NECTIN4: variants seen among roughly 807,000 people sequenced by gnomAD.
NECTIN4 encodes the protein nectin-4.
Under a neutral mutation model 51.7 loss-of-function variants are expected in NECTIN4, and 19 were observed. The ratio of observed to expected loss-of-function variants is 0.37; its 90% CI spans 0.26 to 0.54. NECTIN4 has a LOEUF of 0.54. Ranked by LOEUF, NECTIN4 falls within the 20% of genes least tolerant of loss-of-function variation. The pLI, the probability that NECTIN4 is intolerant of heterozygous loss-of-function variation, is 0.86. For synonymous variants in NECTIN4, 283 were observed against 286.9 expected (o/e 0.99, Z 0.14); for missense variants, 619 against 662.4 (o/e 0.93, Z 0.72).
At chr1:161,079,391 T>A in intron 2 of NECTIN4, among the ~76,000 whole-genome samples, 199 bp downstream of exon 2, 1 of 152,242 alleles carries the variant, frequency 6.6e-6, no homozygotes, top group East Asian at 1.9e-4. Flanking sequence ...AAATGGATTC[T>A]TCCCCAGCTT....
At chr1:161,074,796 A>G in intron 4 of NECTIN4, 37 bp from the exon 5 acceptor site, 1 of 1,604,530 alleles carries the variant, frequency 6.2e-7, no homozygotes, top group Non-Finnish European at 8.5e-7. Context: ...CCAGCCGGGA[A>G]GGGCTGAAGC....
At position 161,089,499 on chromosome 1, in the gene NECTIN4, T is replaced by C. The variant is rs888374799; in HGVS notation, c.-203A>G. The stretch of plus-strand genomic sequence containing the variant: ...AGCCGTAGCTACCCCCAAGAAGCCG[T>C]GATCGGGAGCTCCGAGCTCCCCCAG... On this transcript the variant is annotated 5_prime_UTR_variant, in exon 1 of 9. Coordinates refer to ENST00000368012, the MANE Select transcript of NECTIN4 (RefSeq NM_030916.3). The surrounding 1 kb of genome is among the most constrained non-coding windows in gnomAD (Gnocchi z 4.1). 15 of 606,646 alleles carry C rather than the reference T, an allele frequency of 2.5e-5. No individual in the cohort carries two copies. The highest frequency in any genetic ancestry group is 2.4e-4 in the African/African-American group (13 of 54,172). 37.6% of individuals were successfully genotyped at this position (606,646 alleles called of 1,614,324 possible).
At chr1:161,088,630 G>A (rs573443358) in intron 1 of NECTIN4, among the ~76,000 whole-genome samples, 96 of 152,214 alleles carry the variant, frequency 6.3e-4, no homozygotes, top group African/African-American at 2.3e-3. Context: ...GGAAAGGAAG[G>A]GGTCAGAGTG....
chr1:161,072,874 G>C lies in NECTIN4; in HGVS notation c.1320C>G (p.Pro440=), dbSNP rs372926426. The change falls in exon 9 of 9, where the codon CCC becomes CCG. Residue 440 remains proline (P), a synonymous_variant. Transcript: ENST00000368012. ...NSSCSVMSEE[P]EGRSYSTLTT... The stretch of plus-strand genomic sequence containing the variant: ...TCAGCGTGGAGTAACTGCGGCCCTC[G>C]GGCTCTTCACTCTGGAGACCAAGGG... 3 of 1,612,514 alleles carry C rather than the reference G, an allele frequency of 1.9e-6. No homozygotes were observed. The highest frequency in any genetic ancestry group is 1.7e-6 in the Non-Finnish European group (2 of 1,179,308).
intron 1 of NECTIN4, among the ~76,000 whole-genome samples, chr1:161,086,313 C>T (rs897106936): frequency 1.3e-5 from 2 of 152,192 alleles, no homozygotes; most frequent in Non-Finnish European, 2.9e-5. Flanking sequence ...AACAAGGTCA[C>T]TGGGGTCACA....
intron 1 of NECTIN4, chr1:161,087,368 C>T (rs1031747365): frequency 1.3e-5 from 2 of 152,172 alleles, no homozygotes; most frequent in East Asian, 1.9e-4. Flanking sequence ...TACTGCCAGG[C>T]ATTGCATGAG....
Position 161,072,867 on chromosome 1 carries a change from G to A in NECTIN4, c.1327C>T (p.Arg443Cys), listed in dbSNP as rs1537044. ...CSVMSEEPEG[R>C]SYSTLTTVRE... Reference sequence around the variant, plus strand: ...ACCGTGGTCAGCGTGGAGTAACTGCGGCCCTCGGGCTCTTCACTCTGGAGA... The same window carrying A: ...ACCGTGGTCAGCGTGGAGTAACTGCAGCCCTCGGGCTCTTCACTCTGGAGA... The change falls in exon 9 of 9, where the codon CGC (arginine) becomes TGC (cysteine). Residue 443 changes from arginine to cysteine, a missense_variant. By Grantham distance (180) the Arg-to-Cys change is radical. Transcript: ENST00000368012. The A allele has an allele frequency of 1.0e-3, 1,693 of 1,613,354 alleles. No homozygotes were observed. The highest frequency in any genetic ancestry group is 2.1e-3 in the Middle Eastern group (13 of 6,058).
At chr1:161,073,672 C>A (rs774320419) in intron 7 of NECTIN4, 48 bp downstream of exon 7, 1 of 1,498,242 alleles carries the variant, frequency 6.7e-7, no homozygotes, top group East Asian at 2.3e-5. Context: ...CAAGCAGACC[C>A]CAATGCGACC....
intron 4 of NECTIN4, among the ~76,000 whole-genome samples, chr1:161,076,024 C>T (rs1386299329): frequency 1.3e-5 from 2 of 152,044 alleles, no homozygotes; most frequent in African/African-American, 4.8e-5. Context: ...TTCAGTGAGC[C>T]GAGATCATGC....
rs1296635167 is a variant in NECTIN4 at position 161,085,760 on chromosome 1, G to A, written c.79+3458C>T. ...GTCACCCAGGCTAGAGTGTAGTGGC[G>A]CGATCATGGCTCACTGCAACTTCAG... On this transcript the variant is annotated intron_variant, in intron 1 of 8. Transcript: ENST00000368012. 2.7e-5 allele frequency among the ~76,000 whole-genome samples: 4 copies of A among 149,312 alleles called. No individual in the cohort carries two copies. The South Asian group carries it at 6.4e-4, about 24-fold the overall frequency.
chr1:161,073,892 G>A (rs945876023), intron 6 of NECTIN4, 97 bp from the exon 7 acceptor site: 7 of 1,105,506 alleles, frequency 6.3e-6, no homozygotes, highest in South Asian at 1.3e-5. Context: ...CCCGGAGGGT[G>A]TGGGTGCCGT....
In NECTIN4 at chr1:161,076,325, G is replaced by A. The variant is rs117323434; in HGVS notation, c.851+30C>T. On this transcript the variant is annotated intron_variant, in intron 4 of 8. Transcript: ENST00000368012. ...TGAGAGGGGAGGAACCTAGTCTCAA[G>A]TTAGGCCTTCCTCAGGCTCGGGCCC... 1,530 of 1,613,678 alleles carry A rather than the reference G, an allele frequency of 9.5e-4. 23 individuals are homozygous for A. In the East Asian group the frequency reaches 0.03, roughly 31 times the overall value.
At chr1:161,079,459 G>A (rs1002243543) in intron 2 of NECTIN4, 131 bp downstream of exon 2, 2 of 1,231,928 alleles carry the variant, frequency 1.6e-6, no homozygotes, top group African/African-American at 1.5e-5. Context: ...GCTGGATGAA[G>A]CTCCCTCACC....
In NECTIN4 at chr1:161,071,984, T is replaced by A. The variant is rs1571141043; in HGVS notation, c.*677A>T. The A allele has an allele frequency of 6.5e-6, 1 of 153,424 alleles. No homozygotes were observed. The highest frequency in any genetic ancestry group is 1.5e-5 in the Non-Finnish European group (1 of 68,844). 9.5% of individuals were successfully genotyped at this position (153,424 alleles called of 1,614,324 possible). ...TGTATATTTACAGAAAATATGTACA[T>A]GCAGCAGGCCCAGAGGCCACCAGAG... On this transcript the variant is annotated 3_prime_UTR_variant, in exon 9 of 9. Transcript: ENST00000368012.
At position 161,079,574 on chromosome 1, in the gene NECTIN4, A is replaced by G; in HGVS notation, c.439+16T>C. On this transcript the variant is annotated intron_variant, in intron 2 of 8. Transcript: ENST00000368012. ...ATCCACAGCGGCTCAGACCGTACCC[A>G]GAGATCCCCGCTTACCCAGCACTCG... 3.7e-6 allele frequency: 6 copies of G among 1,602,248 alleles called. No homozygotes were observed. The highest frequency in any genetic ancestry group is 5.1e-6 in the Non-Finnish European group (6 of 1,179,296).
In NECTIN4 at chr1:161,077,459, C is replaced by T. The variant is rs1085307124; in HGVS notation, c.724G>A (p.Val242Met). The T allele has an allele frequency of 1.2e-6, 2 of 1,614,088 alleles. No individual in the cohort carries two copies. The highest frequency in any genetic ancestry group is 1.7e-6 in the Non-Finnish European group (2 of 1,180,018). ...CAAGCATCCAAGTACTTACAGGACACGTGGAGGATGTGGGTGATCCTTTGG... is the reference window on the plus strand; with the variant it reads ...CAAGCATCCAAGTACTTACAGGACATGTGGAGGATGTGGGTGATCCTTTGG... The part of the protein sequence containing the change: ...QDQRITHILH[V>M]SFLAEASVRG... Residue 242 changes from valine (V) to methionine (M), a missense_variant, in exon 3 of 9, where the codon GTG becomes ATG. Coordinates refer to ENST00000368012, the MANE Select transcript of NECTIN4 (RefSeq NM_030916.3).
chr1:161,079,950 C>CTGCA lies in NECTIN4; in HGVS notation c.80-5_80-2dup. The CTGCA allele has an allele frequency of 6.3e-7, 1 of 1,596,828 alleles. No individual in the cohort carries two copies. The highest frequency in any genetic ancestry group is 1.1e-5 in the South Asian group (1 of 89,268). On this transcript the variant is annotated splice_acceptor_variant, in intron 1 of 8. Coordinates refer to ENST00000368012, the MANE Select transcript of NECTIN4 (RefSeq NM_030916.3). LOFTEE classifies it high-confidence loss of function. Reference sequence around the variant, plus strand: ...TCCAGCTCACCCGCGGGGCACCGGCCTGCAGGGGGCAGAGAGGGACAGCCA... The same window carrying CTGCA: ...TCCAGCTCACCCGCGGGGCACCGGCCTGCATGCAGGGGGCAGAGAGGGACAGCCA...
chr1:161,084,190 G>A (rs1171316229), intron 1 of NECTIN4, among the ~76,000 whole-genome samples: 3 of 152,132 alleles, frequency 2.0e-5, no homozygotes, highest in African/African-American at 7.2e-5. Flanking sequence ...TGGGTGTTTG[G>A]CACATATATG....
At position 161,072,759 on chromosome 1, in the gene NECTIN4, T is replaced by G; in HGVS notation, c.1435A>C (p.Lys479Gln). 1 of 1,614,248 alleles carries G rather than the reference T, an allele frequency of 6.2e-7. No homozygotes were observed. Reference sequence around the variant, plus strand: ...TGAACAAAATGGTTCATGGCCTGTTTGATGCCTTCATCCTGATCTTCCTCC... The same window carrying G: ...TGAACAAAATGGTTCATGGCCTGTTGGATGCCTTCATCCTGATCTTCCTCC... ...EEEEDQDEGI[K>Q]QAMNHFVQEN... The change falls in exon 9 of 9, where the codon AAA (lysine) becomes CAA (glutamine). Residue 479 changes from lysine (K) to glutamine (Q), a missense_variant. Around this residue, in one of 3 missense-constraint regions of NECTIN4, gnomAD observed 364 missense variants for 415.7 expected, o/e 0.88. Coordinates refer to ENST00000368012, the MANE Select transcript of NECTIN4 (RefSeq NM_030916.3).
Sources: gnomAD v4.1 joint callset for allele counts (sites outside exome capture counted in the v4.1 genomes callset) on GRCh38, gnomAD v4.1.1 for gene constraint, gnomAD v4.1.1 regional missense constraint, Gnocchi (gnomAD v3.1) non-coding constraint, MANE v1.5 for transcripts, NCBI Gene and HGNC (gene_info 2026-07-23, HGNC 2026-07-21) for gene names.